The following AGO3 variants were observed in gnomAD, a reference collection of about 807,000 sequenced individuals.
AGO3 encodes the protein protein argonaute-3.
In AGO3, 16 loss-of-function variants were observed where a neutral mutation model predicts 105.5. The observed-to-expected ratio is 0.15, with a 90% CI of 0.10 to 0.23. The LOEUF (loss-of-function observed/expected upper bound fraction) is 0.23. Among genes scored for constraint, AGO3 ranks in the 10% least tolerant of loss-of-function variants. The pLI is 1.00. For missense variants in AGO3, 534 were observed against 1,088.0 expected, an observed-to-expected ratio of 0.49 and a Z score of 7.16; for synonymous variants, 340 against 367.3, an observed-to-expected ratio of 0.93 and a Z score of 0.85.
chr1:35,966,919 A>G (rs1258130515), intron 2 of AGO3, 36 bp from the exon 3 acceptor site: 1 of 1,569,614 alleles, frequency 6.4e-7, no homozygotes, highest in Non-Finnish European at 8.6e-7. Flanking sequence ...TTCATCTTAC[A>G]GAGGATTATG....
chr1:35,997,016 G>T (rs564207482), intron 5 of AGO3, among the ~76,000 whole-genome samples: 2 of 152,208 alleles, frequency 1.3e-5, no homozygotes, highest in East Asian at 3.9e-4. Context: ...AGTGGCTCTC[G>T]CCTGTGATCT....
chr1:36,050,156 CAT>C (rs1011693659), intron 17 of AGO3, among the ~76,000 whole-genome samples: 1 of 152,202 alleles, frequency 6.6e-6, no homozygotes, highest in African/African-American at 2.4e-5. Context: ...GGATAGACCA[CAT>C]GTTAGGCCAC....
chr1:35,985,603 T>C (rs916645767), intron 5 of AGO3, among the ~76,000 whole-genome samples: 1 of 152,186 alleles, frequency 6.6e-6, no homozygotes, highest in Non-Finnish European at 1.5e-5. Flanking sequence ...AGTTTAACTT[T>C]AAAAAAATTA....
chr1:36,036,322 G>T (rs751910991), intron 14 of AGO3, 55 bp downstream of exon 14: 7 of 1,505,200 alleles, frequency 4.7e-6, no homozygotes, highest in South Asian at 1.2e-5. Flanking sequence ...TATCAATTTT[G>T]CAGTTTCAAC....
chr1:35,983,393 G>A (rs1647092747), intron 5 of AGO3: 1 of 136,160 alleles, frequency 7.3e-6, no homozygotes, highest in Non-Finnish European at 1.5e-5. Flanking sequence ...ACAACATAGT[G>A]AGACCTGATC....
At chr1:35,973,212 G>A (rs1258925395) in intron 4 of AGO3, among the ~76,000 whole-genome samples, 163 bp from the exon 5 acceptor site, 1 of 151,830 alleles carries the variant, frequency 6.6e-6, no homozygotes, top group African/African-American at 2.4e-5. Context: ...TTTCCATTTA[G>A]AGTGGATACT....
intron 5 of AGO3, among the ~76,000 whole-genome samples, chr1:35,985,491 T>C (rs1647152553): frequency 6.6e-6 from 1 of 152,210 alleles, no homozygotes; most frequent in Non-Finnish European, 1.5e-5. Context: ...AAGCAGAGTC[T>C]AGAAACGAGC....
Position 35,978,732 on chromosome 1 carries a change from C to A in AGO3, c.658+5221C>A, listed in dbSNP as rs542380330. Among the ~76,000 whole-genome samples the A allele has an allele frequency of 7.9e-5, 12 of 152,182 alleles. No individual in the cohort carries two copies. The South Asian group carries it at 2.5e-3, about 32-fold the overall frequency. On this transcript the variant is annotated intron_variant, in intron 5 of 18. Coordinates refer to ENST00000373191, the MANE Select transcript of AGO3 (RefSeq NM_024852.4). The stretch of plus-strand genomic sequence containing the variant: ...AATACTGATGTTGAGGAAAGTAAGG[C>A]CTTGCTGACAATGGGAATTATTCTT...
In AGO3 at chr1:35,980,411, A is replaced by G. The variant is rs559271529; in HGVS notation, c.658+6900A>G. On this transcript the variant is annotated intron_variant, in intron 5 of 18. Coordinates refer to ENST00000373191, the MANE Select transcript of AGO3 (RefSeq NM_024852.4). ...ATTTGAATTCCTACATTCTTAGACC[A>G]TGTAACAGTTTCATTCCATTTGTTT... Among the ~76,000 whole-genome samples the G allele has an allele frequency of 5.3e-5, 8 of 152,326 alleles. No individual in the cohort carries two copies. The East Asian group carries it at 1.3e-3, about 26-fold the overall frequency.
At chr1:35,961,855 G>A (rs1373354168) in intron 2 of AGO3, among the ~76,000 whole-genome samples, 1 of 152,072 alleles carries the variant, frequency 6.6e-6, no homozygotes, top group East Asian at 1.9e-4. Flanking sequence ...TAGCTCATTT[G>A]GGGCTTGTAC....
chr1:36,069,120 C>G lies in AGO3; in HGVS notation c.*13375C>G, dbSNP rs769208311. 2 of 152,184 alleles carry G rather than the reference C, an allele frequency of 1.3e-5. No homozygotes were observed. The highest frequency in any genetic ancestry group is 2.4e-5 in the African/African-American group (1 of 41,428). The allele number at this position is 152,184 out of a possible 1,614,324, so 9.4% of individuals were successfully genotyped here. ...ACTAAATTGTTGGAGTTCTTTTGTTCTGAGTCAGGGTCTCACTCTGTTGCC... is the reference window on the plus strand; with the variant it reads ...ACTAAATTGTTGGAGTTCTTTTGTTGTGAGTCAGGGTCTCACTCTGTTGCC... On this transcript the variant is annotated 3_prime_UTR_variant, in exon 19 of 19. Transcript: ENST00000373191.
At chr1:36,003,706 A>AT (rs1557678435) in intron 5 of AGO3, among the ~76,000 whole-genome samples, 29 of 128,288 alleles carry the variant, frequency 2.3e-4, no homozygotes, top group Middle Eastern at 3.8e-3. Flanking sequence ...AAAAAAAAAA[A>AT]AAAATATATA....
intron 13 of AGO3, 78 bp from the exon 14 acceptor site, chr1:36,036,099 T>C: frequency 7.3e-7 from 1 of 1,367,108 alleles, no homozygotes; most frequent in Non-Finnish European, 1.0e-6. Context: ...AACTTGAAGT[T>C]ACGTTGCAAT....
rs1176078822 is a variant in AGO3 at position 36,062,073 on chromosome 1, C to T, written c.*6328C>T. 1 of 151,516 alleles carries T rather than the reference C, an allele frequency of 6.6e-6. No homozygotes were observed. Among genetic ancestry groups the T allele is most frequent in the Non-Finnish European group, 1.5e-5 (1 of 67,920 alleles). The allele number at this position is 151,516 out of a possible 1,614,324, so 9.4% of individuals were successfully genotyped here. A position where few individuals can be genotyped will look rare whatever the true frequency, so the allele number is the denominator to read the frequency against. ...CACATAAAACAGCAAACCTACTTAA[C>T]TTTTTAACAAGATTATGGGTATAGT... On this transcript the variant is annotated 3_prime_UTR_variant, in exon 19 of 19. Coordinates refer to ENST00000373191, the MANE Select transcript of AGO3 (RefSeq NM_024852.4).
chr1:36,042,170 C>A (rs991701627), intron 16 of AGO3, among the ~76,000 whole-genome samples: 4 of 152,112 alleles, frequency 2.6e-5, no homozygotes, highest in African/African-American at 9.7e-5. Flanking sequence ...CTGCAGCCCC[C>A]ACCTCCTGGG....
At chr1:36,016,082 T>C (rs1640888434) in intron 11 of AGO3, among the ~76,000 whole-genome samples, 1 of 152,170 alleles carries the variant, frequency 6.6e-6, no homozygotes, top group Admixed American at 6.6e-5. Context: ...TTTGCCTTAT[T>C]TGAAGATGAT....
At chr1:35,965,466 C>T (rs541661975) in intron 2 of AGO3, among the ~76,000 whole-genome samples, 1 of 130,192 alleles carries the variant, frequency 7.7e-6, no homozygotes, top group African/African-American at 2.9e-5. Context: ...CTCCATCCTG[C>T]GTGACAGAGC....
chr1:35,973,664 C>A, intron 5 of AGO3, 153 bp downstream of exon 5: 1 of 886,944 alleles, frequency 1.1e-6, no homozygotes, highest in Non-Finnish European at 1.5e-6. Context: ...ATTTTTATTA[C>A]ATTTCATTTA....
At chr1:35,947,141 G>A (rs1646381439) in intron 2 of AGO3, among the ~76,000 whole-genome samples, 1 of 152,048 alleles carries the variant, frequency 6.6e-6, no homozygotes, top group Admixed American at 6.6e-5. Context: ...AGGAAGGATA[G>A]CAGTAACAAA....
Sources: gnomAD v4.1 joint callset for allele counts (sites outside exome capture counted in the v4.1 genomes callset) on GRCh38, gnomAD v4.1.1 for gene constraint, MANE v1.5 for transcripts, NCBI Gene and HGNC (gene_info 2026-07-23, HGNC 2026-07-21) for gene names.